Variants in BIRC6 observed in about 807,000 individuals in gnomAD.
The protein encoded by BIRC6 is baculoviral IAP repeat containing 6, also known as dual E2 ubiquitin-conjugating enzyme/E3 ubiquitin-protein ligase BIRC6.
In BIRC6, 98 loss-of-function variants were observed where a neutral mutation model predicts 503.3. The observed-to-expected ratio is 0.19, with a 90% CI of 0.17 to 0.23. The LOEUF is 0.23. Among genes scored for constraint, BIRC6 ranks in the 10% least tolerant of loss-of-function variants. The pLI is 1.00. For synonymous variants in BIRC6, 2,240 were observed against 2,078.7 expected (o/e 1.08, Z -2.11); for missense variants, 5,360 against 5,806.0 (o/e 0.92, Z 2.50).
intron 1 of BIRC6, among the ~76,000 whole-genome samples, chr2:32,365,216 T>A (rs1427363999): frequency 6.6e-6 from 1 of 152,178 alleles, no homozygotes; most frequent in African/African-American, 2.4e-5. Flanking sequence ...CTGCTTAACC[T>A]CTCTCTGTGC....
At chr2:32,489,324 G>A (rs924859656) in intron 42 of BIRC6, among the ~76,000 whole-genome samples, 2 of 151,986 alleles carry the variant, frequency 1.3e-5, no homozygotes, top group Non-Finnish European at 2.9e-5. Flanking sequence ...ATTTTCCAAT[G>A]TGAGTGCCAG....
At position 32,535,548 on chromosome 2, in the gene BIRC6, T is replaced by C. The variant is rs1488477998; in HGVS notation, c.12291+3997T>C. Among the ~76,000 whole-genome samples, 3 of 152,188 alleles carry C rather than the reference T, an allele frequency of 2.0e-5. No individual in the cohort carries two copies. The East Asian group carries it at 5.8e-4, about 29-fold the overall frequency. ...CAATTCCCACCTATGAGTGAGAACA[T>C]GCAGTGTTTGGTTTTTTCGTCCTTG... On this transcript the variant is annotated intron_variant, in intron 61 of 73. Transcript: ENST00000421745.
Position 32,509,348 on chromosome 2 carries a change from G to A in BIRC6, c.9981-390G>A, listed in dbSNP as rs553802862. Among the ~76,000 whole-genome samples, 19 of 152,150 alleles carry A rather than the reference G, an allele frequency of 1.2e-4. No homozygotes were observed. In the South Asian group the frequency reaches 3.3e-3, roughly 27 times the overall value. On this transcript the variant is annotated intron_variant, in intron 51 of 73. Transcript: ENST00000421745. ...AGACTCACTGCAACTTCTGCCTCCC[G>A]AGTTCAAATGATTCTCCTGCCCCAC...
chr2:32,357,141 C>A lies in BIRC6; in HGVS notation c.-21C>A, dbSNP rs200667966. The A allele has an allele frequency of 6.8e-7, 1 of 1,470,878 alleles. No homozygotes were observed. Among genetic ancestry groups the A allele is most frequent in the Admixed American group, 2.9e-5 (1 of 34,454 alleles). 91.1% of individuals were successfully genotyped at this position (1,470,878 alleles called of 1,614,324 possible). ...TGACTTCACTTCCGGCTAACGCGCT[C>A]GGCTTGCCCCCTGGCCCCGGATGGT... On this transcript the variant is annotated 5_prime_UTR_variant, in exon 1 of 74. Coordinates refer to ENST00000421745, the MANE Select transcript of BIRC6 (RefSeq NM_016252.4). The surrounding 1 kb of genome is among the most constrained non-coding windows in gnomAD (Gnocchi z 4.9).
intron 65 of BIRC6, among the ~76,000 whole-genome samples, chr2:32,567,758 T>C (rs531803360): frequency 1.6e-4 from 25 of 152,150 alleles, no homozygotes; most frequent in African/African-American, 5.8e-4. Flanking sequence ...CATCATCATA[T>C]AGAAAATGGA....
chr2:32,449,030 A>T, intron 22 of BIRC6, 102 bp downstream of exon 22: 1 of 1,141,420 alleles, frequency 8.8e-7, no homozygotes. Context: ...GTCTTTAGAA[A>T]ACTAAAATTC....
At chr2:32,364,413 T>G (rs1007693503) in intron 1 of BIRC6, among the ~76,000 whole-genome samples, 1 of 152,136 alleles carries the variant, frequency 6.6e-6, no homozygotes, top group African/African-American at 2.4e-5. Flanking sequence ...CTAATTTTTT[T>G]TCTATTTTTA....
rs1406785867 is a variant in BIRC6 at position 32,415,472 on chromosome 2, G to A, written c.2181G>A (p.Glu727=). ...GCTTGAGGCTGCCAAAGTTTGCAGA[G>A]GAGGAGAATCTTTGTATAGACTCAA... is the stretch of plus-strand genomic sequence containing the variant. ...VQCLRLPKFA[E]EENLCIDSIT... Residue 727 remains glutamate, a synonymous_variant, in exon 10 of 74, where the codon GAG becomes GAA. Coordinates refer to ENST00000421745, the MANE Select transcript of BIRC6 (RefSeq NM_016252.4). 5.6e-6 allele frequency: 9 copies of A among 1,613,880 alleles called. No homozygotes were observed. The highest frequency in any genetic ancestry group is 7.6e-6 in the Non-Finnish European group (9 of 1,179,904).
intron 65 of BIRC6, among the ~76,000 whole-genome samples, 153 bp downstream of exon 65, chr2:32,549,634 T>C (rs566046583): frequency 1.6e-4 from 25 of 152,354 alleles, no homozygotes; most frequent in African/African-American, 5.8e-4. Context: ...GCCCTTAATT[T>C]GATACTTTGT....
At position 32,551,029 on chromosome 2, in the gene BIRC6, T is replaced by A. The variant is rs191591989; in HGVS notation, c.13144+1548T>A. Among the ~76,000 whole-genome samples, 162 of 152,200 alleles carry A rather than the reference T, an allele frequency of 1.1e-3. 1 individual carries two copies. Among genetic ancestry groups the A allele is most frequent in the African/African-American group, 3.9e-3 (160 of 41,550 alleles). Reference sequence around the variant, plus strand: ...AACTTGTCCAGTGGTTAATTCTAATTGATATATTTGGATGTGGTAACAAAT... The same window carrying A: ...AACTTGTCCAGTGGTTAATTCTAATAGATATATTTGGATGTGGTAACAAAT... On this transcript the variant is annotated intron_variant, in intron 65 of 73. Transcript: ENST00000421745.
At chr2:32,389,529 TTTAA>T (rs1429331820) in intron 4 of BIRC6, among the ~76,000 whole-genome samples, 4 of 152,204 alleles carry the variant, frequency 2.6e-5, no homozygotes, top group African/African-American at 9.6e-5. Flanking sequence ...GCCTATTTTG[TTTAA>T]TTAATTAAAA....
intron 46 of BIRC6, among the ~76,000 whole-genome samples, chr2:32,500,637 G>A (rs1236757409): frequency 3.7e-5 from 4 of 107,244 alleles, no homozygotes; most frequent in Non-Finnish European, 3.6e-5. Flanking sequence ...ATGAAGTCTT[G>A]CTCTGTTGCC....
In BIRC6 at chr2:32,468,455, T is replaced by A; in HGVS notation, c.5799T>A (p.His1933Gln). Residue 1933 changes from histidine (H) to glutamine (Q), a missense_variant, in exon 29 of 74, where the codon CAT becomes CAA. His to Gln is a conservative substitution (Grantham distance 24). This residue lies in a region of BIRC6 where 2,299 missense variants were observed against 2,267.2 expected (regional missense o/e 1.01). Transcript: ENST00000421745. ...DIQCRYNLACHRLETLLQSID... is the reference protein window; with the variant it reads ...DIQCRYNLACQRLETLLQSID... ...ACTTTAGGTATAACTTGGCTTGTCA[T>A]CGTCTGGAAACCCTTTTGCAAAGTA... is the stretch of plus-strand genomic sequence containing the variant. 1 of 1,580,210 alleles carries A rather than the reference T, an allele frequency of 6.3e-7. No individual in the cohort carries two copies. Among genetic ancestry groups the A allele is most frequent in the Non-Finnish European group, 8.6e-7 (1 of 1,163,164 alleles).
Position 32,464,694 on chromosome 2 carries a change from C to G in BIRC6, c.5127C>G (p.Leu1709=). Residue 1709 remains leucine (L), a synonymous_variant, in exon 25 of 74, where the codon CTC becomes CTG. Transcript: ENST00000421745. ...CACCTCTTTTTATGACTCCACCACT[C>G]ACTCCACCCAATGAAGCAGTTTCCG... ...KTTPLFMTPP[L]TPPNEAVSVV... 3.7e-6 allele frequency: 6 copies of G among 1,613,946 alleles called. No homozygotes were observed. The highest frequency in any genetic ancestry group is 5.1e-6 in the Non-Finnish European group (6 of 1,179,880).
At chr2:32,398,982 A>G (rs539098755) in intron 6 of BIRC6, among the ~76,000 whole-genome samples, 91 of 152,312 alleles carry the variant, frequency 6.0e-4, no homozygotes, top group African/African-American at 2.1e-3. Context: ...TTTAAGGAGT[A>G]GCATGTTTTA....
At chr2:32,371,039 C>T (rs2035858313) in intron 1 of BIRC6, among the ~76,000 whole-genome samples, 1 of 150,978 alleles carries the variant, frequency 6.6e-6, no homozygotes, top group Admixed American at 6.6e-5. Context: ...ATGGCAAAAC[C>T]CTGTCTCTAC....
In BIRC6 at chr2:32,478,629, T is replaced by C; in HGVS notation, c.7069-6T>C. 1 of 1,602,870 alleles carries C rather than the reference T, an allele frequency of 6.2e-7. No individual in the cohort carries two copies. The highest frequency in any genetic ancestry group is 8.5e-7 in the Non-Finnish European group (1 of 1,176,124). ...TAAGTGTATGATTTTATAAAATGTA[T>C]TACAGGTTCTTGCACGCATTGCAAA... On this transcript the variant is annotated splice_region_variant and splice_polypyrimidine_tract_variant and intron_variant, in intron 35 of 73. Coordinates refer to ENST00000421745, the MANE Select transcript of BIRC6 (RefSeq NM_016252.4).
intron 60 of BIRC6, among the ~76,000 whole-genome samples, chr2:32,530,786 G>A (rs1312960126): frequency 6.6e-6 from 1 of 152,064 alleles, no homozygotes; most frequent in Non-Finnish European, 1.5e-5. Context: ...CAGTTTTTCA[G>A]CACGATTATT....
In BIRC6 at chr2:32,509,966, T is replaced by C. The variant is rs1347274271; in HGVS notation, c.10209T>C (p.Asn3403=). The change falls in exon 52 of 74, where the codon AAT becomes AAC. Residue 3403 remains asparagine, a synonymous_variant. Transcript: ENST00000421745. Reference sequence around the variant, plus strand: ...AGCTCATAGACATTCTCCTGAGAAATTGTGCAGCATCAGGCAGTGATCCTA... The same window carrying C: ...AGCTCATAGACATTCTCCTGAGAAACTGTGCAGCATCAGGCAGTGATCCTA... The part of the protein sequence containing the change: ...GLKLIDILLR[N]CAASGSDPTD... The C allele has an allele frequency of 2.5e-6, 4 of 1,613,992 alleles. No individual in the cohort carries two copies. Among genetic ancestry groups the C allele is most frequent in the East Asian group, 2.2e-5 (1 of 44,888 alleles).
Sources: allele counts gnomAD v4.1 joint callset (sites outside exome capture counted in the v4.1 genomes callset), GRCh38; gene constraint gnomAD v4.1.1; regional missense constraint gnomAD v4.1.1; non-coding constraint Gnocchi (gnomAD v3.1); transcripts MANE v1.5; gene names NCBI Gene and HGNC (gene_info 2026-07-23, HGNC 2026-07-21).